The following NUP210L variants were observed in gnomAD, a reference collection of about 807,000 sequenced individuals.
NUP210L encodes the protein nuclear pore membrane glycoprotein 210-like.
NUP210L carries 74 observed loss-of-function variants against 208.5 expected under a neutral mutation model. The observed-to-expected ratio is 0.35, with a 90% confidence interval of 0.29 to 0.43. NUP210L has a LOEUF of 0.43. Ranked by LOEUF, NUP210L falls within the 20% of genes least tolerant of loss-of-function variation. NUP210L has a pLI of 1.00. For missense variants in NUP210L, 1,843 were observed against 2,289.4 expected (o/e 0.81, Z 3.98); for synonymous variants, 780 against 816.9 (o/e 0.95, Z 0.77).
At chr1:154,041,952 G>T (rs1244026776) in intron 27 of NUP210L, among the ~76,000 whole-genome samples, 2 of 152,128 alleles carry the variant, frequency 1.3e-5, no homozygotes, top group African/African-American at 4.8e-5. Context: ...TTTCCTTTGT[G>T]CAGATTTCAA....
intron 38 of NUP210L, 48 bp downstream of exon 38, chr1:153,995,028 A>T: frequency 7.9e-6 from 9 of 1,132,206 alleles, no homozygotes; most frequent in South Asian, 1.4e-5. Context: ...AAAAAAAAAA[A>T]GGCAGTTTTC....
intron 11 of NUP210L, 71 bp from the exon 12 acceptor site, chr1:154,117,951 A>T: frequency 9.1e-7 from 1 of 1,095,804 alleles, no homozygotes; most frequent in East Asian, 2.4e-5. Flanking sequence ...GTAAAACTTG[A>T]CTGGTGAAAT....
chr1:154,142,483 T>C (rs1049277710), intron 3 of NUP210L, among the ~76,000 whole-genome samples: 1 of 152,188 alleles, frequency 6.6e-6, no homozygotes, highest in Non-Finnish European at 1.5e-5. Flanking sequence ...TTAATTCTCC[T>C]GGTCTATAGA....
At chr1:154,029,181 A>T (rs1280970030) in intron 28 of NUP210L, among the ~76,000 whole-genome samples, 1 of 148,148 alleles carries the variant, frequency 6.8e-6, no homozygotes, top group East Asian at 2.0e-4. Context: ...GATCGAGACC[A>T]TCCTGGCTAA....
At chr1:154,116,144 A>T (rs1451399411) in intron 12 of NUP210L, among the ~76,000 whole-genome samples, 1 of 151,296 alleles carries the variant, frequency 6.6e-6, no homozygotes, top group Admixed American at 6.6e-5. Flanking sequence ...AGTCCCAGCT[A>T]CTCGGGAGGC....
At chr1:154,041,927 C>G (rs895960022) in intron 27 of NUP210L, among the ~76,000 whole-genome samples, 3 of 152,118 alleles carry the variant, frequency 2.0e-5, no homozygotes, top group Non-Finnish European at 4.4e-5. Context: ...CCCCTACACA[C>G]ACAAAAAAAT....
intron 7 of NUP210L, among the ~76,000 whole-genome samples, chr1:154,130,576 ATTTT>A (rs765115829): frequency 1.0e-5 from 1 of 98,954 alleles, no homozygotes; most frequent in Non-Finnish European, 2.0e-5. Context: ...CCTGGCCCCA[ATTTT>A]TTTTTTTTTT....
At chr1:154,068,882 G>A (rs1186176603) in intron 17 of NUP210L, among the ~76,000 whole-genome samples, 1 of 152,150 alleles carries the variant, frequency 6.6e-6, no homozygotes, top group East Asian at 1.9e-4. Flanking sequence ...GCCAAATGAC[G>A]AGTTAATGGG....
chr1:154,088,154 A>G (rs1655721888), intron 16 of NUP210L, among the ~76,000 whole-genome samples: 1 of 152,264 alleles, frequency 6.6e-6, no homozygotes, highest in African/African-American at 2.4e-5. Context: ...CCTGGGCAAC[A>G]TGGCAAAACC....
intron 27 of NUP210L, among the ~76,000 whole-genome samples, chr1:154,041,137 A>G (rs1652851220): frequency 6.6e-6 from 1 of 151,146 alleles, no homozygotes; most frequent in Non-Finnish European, 1.5e-5. Context: ...CCTAATTTTA[A>G]AACTTTTTTA....
intron 12 of NUP210L, among the ~76,000 whole-genome samples, chr1:154,109,389 T>TA (rs1656929438): frequency 6.6e-6 from 1 of 151,576 alleles, no homozygotes; most frequent in African/African-American, 2.4e-5. Context: ...TCCAGATGTA[T>TA]AAGGCAAATA....
At position 154,070,260 on chromosome 1, in the gene NUP210L, A is replaced by G. The variant is rs185674086; in HGVS notation, c.2554+13T>C. ...CTCAGGTATATGAAAAGACTTGTAT[A>G]TTTTCACAATACCATGTAACCGGGT... On this transcript the variant is annotated intron_variant, in intron 17 of 39. Transcript: ENST00000368559. The G allele has an allele frequency of 1.3e-6, 2 of 1,546,794 alleles. No homozygotes were observed. Among genetic ancestry groups the G allele is most frequent in the African/African-American group, 2.8e-5 (2 of 72,376 alleles).
At chr1:154,018,117 G>A (rs534831936) in intron 33 of NUP210L, among the ~76,000 whole-genome samples, 2 of 151,884 alleles carry the variant, frequency 1.3e-5, no homozygotes, top group Non-Finnish European at 2.9e-5. Context: ...GACTACAGAT[G>A]TGAGCCACCA....
chr1:154,057,479 T>G (rs1165577990), intron 22 of NUP210L, among the ~76,000 whole-genome samples: 1 of 152,084 alleles, frequency 6.6e-6, no homozygotes, highest in Non-Finnish European at 1.5e-5. Flanking sequence ...AAAAATAGAC[T>G]GGTAAAATTG....
At chr1:154,137,372 G>A (rs1204058564) in intron 6 of NUP210L, among the ~76,000 whole-genome samples, 1 of 152,038 alleles carries the variant, frequency 6.6e-6, no homozygotes, top group East Asian at 1.9e-4. Flanking sequence ...CCAGCATGGT[G>A]AAACCCCGTC....
chr1:154,014,055 A>C (rs1651110698), intron 33 of NUP210L, among the ~76,000 whole-genome samples: 1 of 152,100 alleles, frequency 6.6e-6, no homozygotes, highest in Non-Finnish European at 1.5e-5. Flanking sequence ...GTGAGCCACC[A>C]TGCCCAGCCC....
chr1:154,019,654 C>T (rs899458432), intron 32 of NUP210L, among the ~76,000 whole-genome samples: 2 of 152,040 alleles, frequency 1.3e-5, no homozygotes, highest in Admixed American at 6.6e-5. Flanking sequence ...AGGCCGGGCA[C>T]GGTGGCTCAT....
chr1:154,002,526 G>C (rs768153513), intron 35 of NUP210L, among the ~76,000 whole-genome samples: 125 of 152,150 alleles, frequency 8.2e-4, no homozygotes, highest in Non-Finnish European at 1.5e-3. Flanking sequence ...CCAGCTACTT[G>C]GGAGACTGAG....
chr1:154,089,312 G>T, intron 16 of NUP210L, 109 bp downstream of exon 16: 1 of 863,710 alleles, frequency 1.2e-6, no homozygotes, highest in Non-Finnish European at 1.8e-6. Context: ...ATTACCATAT[G>T]ATCTGGCAAT....
Sources: allele counts gnomAD v4.1 joint callset (sites outside exome capture counted in the v4.1 genomes callset), GRCh38; gene constraint gnomAD v4.1.1; transcripts MANE v1.5; gene names NCBI Gene and HGNC (gene_info 2026-07-23, HGNC 2026-07-21).